KANK1: variants seen among roughly 807,000 people sequenced by gnomAD.
KANK1 encodes KN motif and ankyrin repeat domains 1, also known as KN motif and ankyrin repeat domain-containing protein 1.
KANK1 carries 109 observed loss-of-function variants against 106.2 expected under a neutral mutation model. That is an observed-to-expected ratio of 1.03 (90% CI 0.88 to 1.20). The LOEUF is 1.20. KANK1 is among the 50% of genes most tolerant of loss of function. The pLI, the probability that KANK1 is intolerant of heterozygous loss-of-function variation, is 0.00. For synonymous variants in KANK1, 873 were observed against 652.2 expected, an observed-to-expected ratio of 1.34 and a Z score of -5.16; for missense variants, 2,399 against 1,710.7, an observed-to-expected ratio of 1.40 and a Z score of -7.10.
At chr9:675,773 A>G (rs935820481) in intron 1 of KANK1, among the ~76,000 whole-genome samples, 7 of 152,198 alleles carry the variant, frequency 4.6e-5, no homozygotes, top group Non-Finnish European at 8.8e-5. Context: ...TATTAAGAAA[A>G]TAAAGGAATA....
rs1350202496 is a variant in KANK1, at chr9:745,512, G to GATCTGAAGGGGCACCTTCTGTTCACTCCC, written c.*279_*307dup. Reference sequence around the variant, plus strand: ...GTTTTGTACAGTCACAGGGAATTCTGATCTGAAGGGGCACCTTCTGTTCAC... The same window carrying GATCTGAAGGGGCACCTTCTGTTCACTCCC: ...GTTTTGTACAGTCACAGGGAATTCTGATCTGAAGGGGCACCTTCTGTTCACTCCCATCTGAAGGGGCACCTTCTGTTCAC... On this transcript the variant is annotated 3_prime_UTR_variant, in exon 12 of 12. Transcript: ENST00000382297. 1 of 292,240 alleles carries GATCTGAAGGGGCACCTTCTGTTCACTCCC rather than the reference G, an allele frequency of 3.4e-6. No homozygotes were observed. The highest frequency in any genetic ancestry group is 6.3e-6 in the Non-Finnish European group (1 of 157,962). The allele number at this position is 292,240 out of a possible 1,614,324, so 18.1% of individuals were successfully genotyped here.
chr9:696,714 G>C (rs1027890976), intron 2 of KANK1, among the ~76,000 whole-genome samples: 6 of 152,064 alleles, frequency 3.9e-5, no homozygotes, highest in South Asian at 2.1e-4. Flanking sequence ...CTTTAAAGTG[G>C]AGCTCCTGGC....
At chr9:507,978 A>G (rs7023761) in intron 1 of KANK1, among the ~76,000 whole-genome samples, 3,063 of 150,748 alleles carry the variant, frequency 0.02, 111 homozygotes, top group African/African-American at 0.071. Context: ...GCGCCCCCAC[A>G]CTTGGCTAAT....
At chr9:480,591 C>T (rs564483272) in intron 3 of KANK1, among the ~76,000 whole-genome samples, 1 of 152,288 alleles carries the variant, frequency 6.6e-6, no homozygotes, top group South Asian at 2.1e-4. Context: ...GGATTTAATG[C>T]AGTTAGTATG....
chr9:665,029 A>G (rs184744860), intron 1 of KANK1, among the ~76,000 whole-genome samples: 1 of 152,144 alleles, frequency 6.6e-6, no homozygotes, highest in Non-Finnish European at 1.5e-5. Context: ...ACTTTTTGCT[A>G]TTGAGTTGTT....
chr9:668,449 T>C (rs1231556019), intron 1 of KANK1, among the ~76,000 whole-genome samples: 2 of 152,274 alleles, frequency 1.3e-5, no homozygotes, highest in East Asian at 3.9e-4. Context: ...TTCTGTTTGA[T>C]TTTTTGAATA....
At chr9:543,054 G>A (rs1412173386) in intron 1 of KANK1, among the ~76,000 whole-genome samples, 4 of 152,190 alleles carry the variant, frequency 2.6e-5, no homozygotes, top group Non-Finnish European at 5.9e-5. Context: ...TAAGTGCGAG[G>A]TGGGTATGTT....
rs1833334552 is a variant in KANK1 at position 734,848 on chromosome 9, T to A, written c.3333+13T>A. ...CAGCAAAGATATGGTGAGTCTGACCTGCAAACACCATCCCCAGTGTGTACA... is the reference window on the plus strand; with the variant it reads ...CAGCAAAGATATGGTGAGTCTGACCAGCAAACACCATCCCCAGTGTGTACA... On this transcript the variant is annotated intron_variant, in intron 7 of 11. Coordinates refer to ENST00000382297, the MANE Select transcript of KANK1 (RefSeq NM_015158.5). The A allele has an allele frequency of 1.3e-6, 2 of 1,588,874 alleles. No homozygotes were observed.
chr9:538,894 A>T (rs756053043), intron 1 of KANK1, among the ~76,000 whole-genome samples: 5 of 151,978 alleles, frequency 3.3e-5, no homozygotes, highest in Admixed American at 6.6e-5. Flanking sequence ...TTATTTATTT[A>T]TTTTTTGAGA....
chr9:657,979 G>A (rs774380942), intron 1 of KANK1, among the ~76,000 whole-genome samples: 4 of 151,828 alleles, frequency 2.6e-5, no homozygotes, highest in East Asian at 1.9e-4. Flanking sequence ...CTACAGCCTC[G>A]AACTCCTGTC....
intron 3 of KANK1, among the ~76,000 whole-genome samples, chr9:726,923 G>A (rs969320726): frequency 6.6e-6 from 1 of 152,202 alleles, no homozygotes; most frequent in Non-Finnish European, 1.5e-5. Flanking sequence ...TTGCTCCACT[G>A]CACTCCAGCC....
At chr9:504,574 G>A (rs2058639089), upstream of KANK1, 1 of 151,036 alleles carries the variant, frequency 6.6e-6, no homozygotes, top group East Asian at 2.0e-4. Context: ...GCCCACCGCG[G>A]GTGAGAGGCT....
chr9:589,996 A>T (rs1364565514), intron 1 of KANK1, among the ~76,000 whole-genome samples: 1 of 152,116 alleles, frequency 6.6e-6, no homozygotes, highest in Non-Finnish European at 1.5e-5. Flanking sequence ...TTTCTTTGTG[A>T]GCTCAGTGCT....
At chr9:546,325 A>G (rs544906009) in intron 1 of KANK1, among the ~76,000 whole-genome samples, 3 of 152,058 alleles carry the variant, frequency 2.0e-5, no homozygotes, top group East Asian at 1.9e-4. Flanking sequence ...TGCTACTGTC[A>G]TCTAGTGTGT....
chr9:713,553 C>T, intron 3 of KANK1, 89 bp downstream of exon 3: 2 of 1,396,922 alleles, frequency 1.4e-6, no homozygotes, highest in Non-Finnish European at 1.9e-6. Flanking sequence ...ACTGCTGGAA[C>T]CATTTTTGGA....
intron 2 of KANK1, among the ~76,000 whole-genome samples, chr9:700,548 C>T (rs1414972597): frequency 6.6e-6 from 1 of 152,170 alleles, no homozygotes; most frequent in Admixed American, 6.5e-5. Context: ...TACTGGTTTG[C>T]TTTCCTGCTG....
chr9:600,678 C>T (rs1827513806), intron 1 of KANK1, among the ~76,000 whole-genome samples: 1 of 151,752 alleles, frequency 6.6e-6, no homozygotes, highest in African/African-American at 2.4e-5. Flanking sequence ...TACACCTCAC[C>T]TCATGCCCAA....
At chr9:506,031 CAT>C (rs149697550) in intron 1 of KANK1, among the ~76,000 whole-genome samples, 3,437 of 152,210 alleles carry the variant, frequency 0.023, 131 homozygotes, top group South Asian at 0.11. Flanking sequence ...GTGTAATAAA[CAT>C]ATAAATTTAC....
intron 1 of KANK1, among the ~76,000 whole-genome samples, chr9:593,240 TCTTTTC>T (rs1825410062): frequency 6.6e-6 from 1 of 151,890 alleles, no homozygotes. Context: ...GGATTATTAT[TCTTTTC>T]CTTATTTTAA....
Sources: allele counts gnomAD v4.1 joint callset (sites outside exome capture counted in the v4.1 genomes callset), GRCh38; gene constraint gnomAD v4.1.1; transcripts MANE v1.5; gene names NCBI Gene and HGNC (gene_info 2026-07-23, HGNC 2026-07-21).